GABRB2: variants seen among roughly 807,000 people sequenced by gnomAD.
The protein encoded by GABRB2 is gamma-aminobutyric acid receptor subunit beta-2.
Under a neutral mutation model 54.7 loss-of-function variants are expected in GABRB2, and 16 were observed. That is an observed-to-expected ratio of 0.29 (90% CI 0.20 to 0.44). The LOEUF is 0.44. Ranked by LOEUF, GABRB2 falls within the 20% of genes least tolerant of loss-of-function variation. The probability of loss-of-function intolerance (pLI) is 1.00; values close to 1 mark genes in which losing one functional copy is unlikely to be tolerated. For synonymous variants in GABRB2, 244 were observed against 233.8 expected, an observed-to-expected ratio of 1.04 and a Z score of -0.40; for missense variants, 355 against 644.0, an observed-to-expected ratio of 0.55 and a Z score of 4.86.
intron 3 of GABRB2, among the ~76,000 whole-genome samples, chr5:161,488,831 C>T (rs1759012098): frequency 6.6e-6 from 1 of 151,736 alleles, no homozygotes; most frequent in Admixed American, 6.6e-5. Flanking sequence ...AATGTCATGG[C>T]TATACAGCAA....
upstream of GABRB2, chr5:161,548,324 G>T (rs1761053156): frequency 6.6e-6 from 1 of 152,374 alleles, no homozygotes; most frequent in African/African-American, 2.4e-5. Flanking sequence ...GGTGCTACGA[G>T]TCTGGGGACA....
At chr5:161,500,062 T>C (rs143408726) in intron 3 of GABRB2, among the ~76,000 whole-genome samples, 29 of 152,298 alleles carry the variant, frequency 1.9e-4, no homozygotes, top group Admixed American at 1.9e-3. Flanking sequence ...ATTTTAGCTT[T>C]AAAAATAATT....
chr5:161,450,289 A>G (rs1329478784), intron 4 of GABRB2, among the ~76,000 whole-genome samples: 1 of 152,166 alleles, frequency 6.6e-6, no homozygotes, highest in East Asian at 1.9e-4. Context: ...CCAACAGTCA[A>G]GGAGATCCAT....
intron 3 of GABRB2, among the ~76,000 whole-genome samples, chr5:161,536,098 G>A (rs927270794): frequency 3.3e-5 from 5 of 152,144 alleles, no homozygotes; most frequent in Non-Finnish European, 7.3e-5. Context: ...CCGGAATAGT[G>A]AACCAAATAA....
intron 3 of GABRB2, among the ~76,000 whole-genome samples, chr5:161,499,660 A>G (rs532259967): frequency 6.6e-6 from 1 of 152,348 alleles, no homozygotes; most frequent in South Asian, 2.1e-4. Flanking sequence ...TTCTTCTAAT[A>G]TAAGAACTAT....
chr5:161,330,624 C>G (rs1753809573), intron 8 of GABRB2: 1 of 456,672 alleles, frequency 2.2e-6, no homozygotes, highest in African/African-American at 1.9e-5. Context: ...GTACTATACT[C>G]AATATGTGAG....
At chr5:161,403,005 T>C (rs1323350291) in intron 5 of GABRB2, among the ~76,000 whole-genome samples, 1 of 152,192 alleles carries the variant, frequency 6.6e-6, no homozygotes, top group Non-Finnish European at 1.5e-5. Flanking sequence ...TGAGAACGTA[T>C]GCCCTAGAGA....
intron 7 of GABRB2, among the ~76,000 whole-genome samples, chr5:161,331,773 G>A (rs143702639): frequency 0.013 from 1,988 of 152,142 alleles, 23 homozygotes; most frequent in Non-Finnish European, 0.021. Flanking sequence ...AGGCAATGTG[G>A]AGCAGGGGCC....
At chr5:161,440,587 C>A (rs1456767496) in intron 4 of GABRB2, among the ~76,000 whole-genome samples, 2 of 152,032 alleles carry the variant, frequency 1.3e-5, no homozygotes, top group Non-Finnish European at 2.9e-5. Flanking sequence ...ATACATAAGG[C>A]AAATATTATT....
chr5:161,511,341 G>T (rs1759762267), intron 3 of GABRB2, among the ~76,000 whole-genome samples: 1 of 151,732 alleles, frequency 6.6e-6, no homozygotes, highest in Non-Finnish European at 1.5e-5. Flanking sequence ...ACAATCTTTG[G>T]GAAAAATTGA....
At chr5:161,326,555 A>T in intron 8 of GABRB2, 74 bp from the exon 9 acceptor site, 2 of 1,502,374 alleles carry the variant, frequency 1.3e-6, no homozygotes, top group Non-Finnish European at 1.8e-6. Context: ...GTTAAAGTAA[A>T]TTGGATATAG....
chr5:161,403,248 G>A lies in GABRB2; in HGVS notation c.541+7727C>T, dbSNP rs1324502671. Among the ~76,000 whole-genome samples the A allele has an allele frequency of 2.0e-5, 3 of 152,212 alleles. No homozygotes were observed. The South Asian group carries it at 6.2e-4, about 32-fold the overall frequency. ...TTTCTATAAATAGAGGGGAAAAAAT[G>A]AATCCCATTTCCTCCTAGGAGTGAG... On this transcript the variant is annotated intron_variant, in intron 5 of 9. Transcript: ENST00000393959.
chr5:161,412,966 C>T (rs1312885851), intron 4 of GABRB2, among the ~76,000 whole-genome samples: 1 of 152,138 alleles, frequency 6.6e-6, no homozygotes, highest in Non-Finnish European at 1.5e-5. Flanking sequence ...AATGCATTGG[C>T]ACAATCTCAG....
chr5:161,404,210 T>C (rs951622997), intron 5 of GABRB2, among the ~76,000 whole-genome samples: 11 of 152,230 alleles, frequency 7.2e-5, no homozygotes, highest in Middle Eastern at 3.4e-3. Context: ...TCCAACAAAG[T>C]ATCTTCACAC....
intron 3 of GABRB2, among the ~76,000 whole-genome samples, chr5:161,494,808 T>A (rs1185707062): frequency 6.6e-6 from 1 of 151,786 alleles, no homozygotes; most frequent in Non-Finnish European, 1.5e-5. Flanking sequence ...TTAATTGTAT[T>A]TAAGGAAAGT....
At chr5:161,371,763 C>T (rs894568191) in intron 5 of GABRB2, among the ~76,000 whole-genome samples, 1 of 151,998 alleles carries the variant, frequency 6.6e-6, no homozygotes, top group African/African-American at 2.4e-5. Flanking sequence ...ACTCTGTAGC[C>T]CAGGCTGGAG....
rs1472144168 is a variant in GABRB2, at chr5:161,506,658, GTTA to G, written c.237+38566_237+38568del. ...CTTGATGACATGAAATTATAAAATA[GTTA>G]TTATGTACCTCTTTTGGAAGAAGTT... On this transcript the variant is annotated intron_variant, in intron 3 of 9. Transcript: ENST00000393959. Among the ~76,000 whole-genome samples the G allele has an allele frequency of 3.3e-5, 5 of 152,008 alleles. No individual in the cohort carries two copies. The East Asian group carries it at 9.7e-4, about 29-fold the overall frequency.
At chr5:161,536,975 C>T (rs931082018) in intron 3 of GABRB2, among the ~76,000 whole-genome samples, 1 of 152,046 alleles carries the variant, frequency 6.6e-6, no homozygotes, top group Non-Finnish European at 1.5e-5. Context: ...TAGTCTTCGA[C>T]CACCGAAACT....
chr5:161,442,343 G>A (rs1757491830), intron 4 of GABRB2, among the ~76,000 whole-genome samples: 1 of 152,166 alleles, frequency 6.6e-6, no homozygotes, highest in South Asian at 2.1e-4. Flanking sequence ...AAAGTATCAT[G>A]AGCAAAAGTA....
Sources: allele counts gnomAD v4.1 joint callset (sites outside exome capture counted in the v4.1 genomes callset), GRCh38; gene constraint gnomAD v4.1.1; transcripts MANE v1.5; gene names NCBI Gene and HGNC (gene_info 2026-07-23, HGNC 2026-07-21).